RIMS1: variants seen among roughly 807,000 people sequenced by gnomAD.
RIMS1 encodes regulating synaptic membrane exocytosis protein 1.
In RIMS1, 83 loss-of-function variants were observed where a neutral mutation model predicts 214.1. The observed-to-expected ratio is 0.39, with a 90% CI of 0.32 to 0.47. The LOEUF is 0.47. Ranked by LOEUF, RIMS1 falls within the 20% of genes least tolerant of loss-of-function variation. The pLI is 0.99. For synonymous variants in RIMS1, 793 were observed against 786.8 expected, an observed-to-expected ratio of 1.01 and a Z score of -0.13; for missense variants, 2,050 against 2,161.8, an observed-to-expected ratio of 0.95 and a Z score of 1.03.
At chr6:72,378,694 C>T (rs1416467721) in intron 29 of RIMS1, among the ~76,000 whole-genome samples, 1 of 152,074 alleles carries the variant, frequency 6.6e-6, no homozygotes, top group Non-Finnish European at 1.5e-5. Context: ...TAGTAATTAG[C>T]CAGGCGTGGT....
At chr6:72,159,225 A>G (rs1490267154) in intron 4 of RIMS1, among the ~76,000 whole-genome samples, 1 of 139,888 alleles carries the variant, frequency 7.1e-6, no homozygotes, top group African/African-American at 2.5e-5. Flanking sequence ...CATATCTTTC[A>G]CCCACTTGTT....
Position 72,051,845 on chromosome 6 carries a change from T to C in RIMS1, c.246-45104T>C, listed in dbSNP as rs144391225. On this transcript the variant is annotated intron_variant, in intron 2 of 33. Coordinates refer to ENST00000521978, the MANE Select transcript of RIMS1 (RefSeq NM_014989.7). ...GTTAATCTTGCAAAGTATTATATAA[T>C]TTAGTGCCCATTTAGCTGTTTTTTT... 2.8e-3 allele frequency among the ~76,000 whole-genome samples: 426 copies of C among 152,268 alleles called. 1 individual carries two copies. Among genetic ancestry groups the C allele is most frequent in the African/African-American group, 1.0e-2 (414 of 41,522 alleles).
intron 2 of RIMS1, among the ~76,000 whole-genome samples, chr6:72,038,108 AAAAAAAAAAAATATATATATAT>A (rs1201911473): frequency 1.4e-5 from 1 of 73,946 alleles, no homozygotes; most frequent in East Asian, 3.9e-4. Flanking sequence ...AAAAAAAAAA[AAAAAAAAAAAATATATATATAT>A]ATATATATAT....
rs777897919 is a variant in RIMS1 at position 72,291,974 on chromosome 6, G to A, written c.3778G>A (p.Asp1260Asn). 2 of 1,564,816 alleles carry A rather than the reference G, an allele frequency of 1.3e-6. No individual in the cohort carries two copies. The highest frequency in any genetic ancestry group is 2.4e-5 in the South Asian group (2 of 84,598). ...QRSPTQSPPA[D>N]TSFSSRRGRQ... ...AAGTCCAACACAATCTCCTCCAGCA[G>A]ACACATCGTTCAGCAGTCGCAGGGG... The change falls in exon 26 of 34, where the codon GAC becomes AAC. Residue 1260 changes from aspartate to asparagine, a missense_variant. Physicochemically the swap from Asp to Asn is conservative, Grantham distance 23 (BLOSUM62 1). Transcript: ENST00000521978.
chr6:72,091,906 A>G (rs1223947650), intron 2 of RIMS1, among the ~76,000 whole-genome samples: 2 of 152,256 alleles, frequency 1.3e-5, no homozygotes, highest in Non-Finnish European at 2.9e-5. Flanking sequence ...AATTTCACAA[A>G]AAGGTTTTAC....
chr6:72,314,121 CGTTAT>C (rs1266393209), intron 28 of RIMS1, among the ~76,000 whole-genome samples: 2 of 152,004 alleles, frequency 1.3e-5, no homozygotes, highest in Non-Finnish European at 2.9e-5. Flanking sequence ...TCCCTAGTTA[CGTTAT>C]GAGTTGAAAG....
chr6:72,242,173 A>G (rs2067245552), intron 9 of RIMS1, 141 bp from the exon 10 acceptor site: 1 of 636,236 alleles, frequency 1.6e-6, no homozygotes, highest in African/African-American at 1.9e-5. Flanking sequence ...ATTATATGGC[A>G]ATCAATTTGC....
chr6:71,926,656 A>G (rs34201438), intron 1 of RIMS1, among the ~76,000 whole-genome samples: 2,715 of 152,314 alleles, frequency 0.018, 39 homozygotes, highest in Middle Eastern at 0.041. Flanking sequence ...ATACCCGTCA[A>G]TTAAGTTAAT....
chr6:71,916,661 G>A (rs544971205), intron 1 of RIMS1, among the ~76,000 whole-genome samples: 10 of 152,094 alleles, frequency 6.6e-5, no homozygotes, highest in South Asian at 2.1e-4. Context: ...ATAGCGAACC[G>A]GAATACTTTT....
chr6:72,137,302 T>C (rs912547598), intron 4 of RIMS1, among the ~76,000 whole-genome samples: 1 of 152,122 alleles, frequency 6.6e-6, no homozygotes, highest in Non-Finnish European at 1.5e-5. Flanking sequence ...AAAAATGTTT[T>C]AGCAATTCAG....
At chr6:72,221,829 A>G (rs1434717545) in intron 6 of RIMS1, among the ~76,000 whole-genome samples, 1 of 151,962 alleles carries the variant, frequency 6.6e-6, no homozygotes, top group East Asian at 1.9e-4. Flanking sequence ...TGGATTCTAT[A>G]TTTCTCCAGC....
At chr6:71,941,006 T>A (rs1440414781) in intron 1 of RIMS1, among the ~76,000 whole-genome samples, 8 of 152,194 alleles carry the variant, frequency 5.3e-5, no homozygotes, top group Non-Finnish European at 1.0e-4. Context: ...GGAAGAAACT[T>A]GTCGAAAATT....
At chr6:72,147,217 A>T (rs1232556536) in intron 4 of RIMS1, among the ~76,000 whole-genome samples, 1 of 152,214 alleles carries the variant, frequency 6.6e-6, no homozygotes, top group African/African-American at 2.4e-5. Context: ...AAAATATTTG[A>T]TCTATGCATT....
chr6:72,021,752 C>G (rs982315733), intron 2 of RIMS1, among the ~76,000 whole-genome samples: 2 of 152,168 alleles, frequency 1.3e-5, no homozygotes, highest in Non-Finnish European at 2.9e-5. Context: ...TCCTGTTACT[C>G]TCCTGTTTGT....
intron 1 of RIMS1, among the ~76,000 whole-genome samples, chr6:71,945,438 C>T (rs1026699412): frequency 3.9e-5 from 6 of 152,042 alleles, no homozygotes; most frequent in Admixed American, 2.0e-4. Flanking sequence ...TTGGCAAGAC[C>T]AATCCAGAGC....
At position 72,144,468 on chromosome 6, in the gene RIMS1, G is replaced by A. The variant is rs181899813; in HGVS notation, c.472-35107G>A. ...TCCGTGAAGAGACATGTATCAAGACGTAGACATTTATCAAAATGAAAGTAG... is the reference window on the plus strand; with the variant it reads ...TCCGTGAAGAGACATGTATCAAGACATAGACATTTATCAAAATGAAAGTAG... On this transcript the variant is annotated intron_variant, in intron 4 of 33. Coordinates refer to ENST00000521978, the MANE Select transcript of RIMS1 (RefSeq NM_014989.7). Among the ~76,000 whole-genome samples, 17 of 152,238 alleles carry A rather than the reference G, an allele frequency of 1.1e-4. No homozygotes were observed. The East Asian group carries it at 2.7e-3, about 24-fold the overall frequency.
In RIMS1 at chr6:71,906,104, G is replaced by A. The variant is rs533320233; in HGVS notation, c.164+18917G>A. Among the ~76,000 whole-genome samples the A allele has an allele frequency of 2.6e-5, 4 of 152,258 alleles. No homozygotes were observed. The South Asian group carries it at 8.3e-4, about 32-fold the overall frequency. On this transcript the variant is annotated intron_variant, in intron 1 of 33. Coordinates refer to ENST00000521978, the MANE Select transcript of RIMS1 (RefSeq NM_014989.7). ...ACTTTCAGTCTGGCCTGAAGTGACA[G>A]TGAGATTGTCAACTGAGAATATTCT...
At chr6:72,331,683 A>G (rs1022684122) in intron 28 of RIMS1, among the ~76,000 whole-genome samples, 3 of 151,880 alleles carry the variant, frequency 2.0e-5, no homozygotes, top group African/African-American at 7.2e-5. Flanking sequence ...TAAATCCCAC[A>G]GGAAACAGTT....
At chr6:71,935,705 C>A (rs974620754) in intron 1 of RIMS1, among the ~76,000 whole-genome samples, 4 of 152,140 alleles carry the variant, frequency 2.6e-5, no homozygotes, top group Admixed American at 2.6e-4. Flanking sequence ...TGTACAAATA[C>A]GAGTTGTAAC....
Sources: allele counts gnomAD v4.1 joint callset (sites outside exome capture counted in the v4.1 genomes callset), GRCh38; gene constraint gnomAD v4.1.1; transcripts MANE v1.5; gene names NCBI Gene and HGNC (gene_info 2026-07-23, HGNC 2026-07-21).